Variants in C11orf97 observed in about 807,000 individuals in gnomAD.
C11orf97 encodes chromosome 11 open reading frame 97.
A neutral mutation model predicts 16.2 loss-of-function variants in C11orf97; 15 were observed. That is an observed-to-expected ratio of 0.93 (90% CI 0.62 to 1.43). The LOEUF is 1.43. Ranked by LOEUF, C11orf97 falls within the 40% of genes most tolerant of loss-of-function variation. The pLI, the probability that C11orf97 is intolerant of heterozygous loss-of-function variation, is 0.00. For synonymous variants in C11orf97, 61 were observed against 65.7 expected (o/e 0.93, Z 0.34); for missense variants, 171 against 161.2 (o/e 1.06, Z -0.33).
At chr11:94,527,792 A>G (rs1295883540) in intron 2 of C11orf97, among the ~76,000 whole-genome samples, 6 of 152,194 alleles carry the variant, frequency 3.9e-5, no homozygotes, top group Non-Finnish European at 8.8e-5. Flanking sequence ...ATTAACTGTT[A>G]TTTCTGATCC....
chr11:94,514,848 T>G (rs2135176805), intron 1 of C11orf97, among the ~76,000 whole-genome samples: 1 of 152,152 alleles, frequency 6.6e-6, no homozygotes, highest in Middle Eastern at 3.4e-3. Flanking sequence ...TTTCACCATG[T>G]TGGCCAGGCT....
chr11:94,526,780 C>T (rs961675821), intron 2 of C11orf97, among the ~76,000 whole-genome samples: 1 of 152,134 alleles, frequency 6.6e-6, no homozygotes, highest in Non-Finnish European at 1.5e-5. Context: ...TTTGTAAGGT[C>T]TTAAACAGAA....
chr11:94,520,804 G>T (rs1416897458), intron 2 of C11orf97, among the ~76,000 whole-genome samples: 2 of 152,180 alleles, frequency 1.3e-5, no homozygotes, highest in African/African-American at 4.8e-5. Context: ...AACAGCCTCT[G>T]CTACTGCCCC....
intron 1 of C11orf97, 24 bp from the exon 2 acceptor site, chr11:94,517,559 T>A (rs995496559): frequency 5.7e-6 from 8 of 1,393,234 alleles, no homozygotes; most frequent in Non-Finnish European, 6.8e-6. Flanking sequence ...TACTAAGTAA[T>A]TGATTTTGTT....
chr11:94,531,409 A>G (rs1947737384), intron 3 of C11orf97, among the ~76,000 whole-genome samples: 1 of 150,288 alleles, frequency 6.7e-6, no homozygotes, highest in Non-Finnish European at 1.5e-5. Context: ...ACTTCACTCC[A>G]GCCTGGGTGA....
intron 2 of C11orf97, among the ~76,000 whole-genome samples, chr11:94,518,222 A>G (rs1464813678): frequency 2.0e-5 from 3 of 150,838 alleles, no homozygotes; most frequent in African/African-American, 4.9e-5. Flanking sequence ...AGTTATTTCT[A>G]TTTAATGACA....
rs116251313 is a variant in C11orf97 at position 94,526,489 on chromosome 11, T to A, written c.251-1595T>A. 5.9e-3 allele frequency among the ~76,000 whole-genome samples: 898 copies of A among 152,292 alleles called. 13 individuals are homozygous for A. Among genetic ancestry groups the A allele is most frequent in the African/African-American group, 0.02 (851 of 41,550 alleles). Reference sequence around the variant, plus strand: ...TTTAGTACAATTCTTCCATCTAATTTGATGTGATTTGTCTGCACGGTTCTG... The same window carrying A: ...TTTAGTACAATTCTTCCATCTAATTAGATGTGATTTGTCTGCACGGTTCTG... On this transcript the variant is annotated intron_variant, in intron 2 of 3. Transcript: ENST00000542198.
intron 2 of C11orf97, among the ~76,000 whole-genome samples, chr11:94,520,347 C>A (rs1947648108): frequency 6.6e-6 from 1 of 152,154 alleles, no homozygotes; most frequent in Non-Finnish European, 1.5e-5. Context: ...TTTAGCTATT[C>A]TTTCTCCATC....
At chr11:94,522,327 A>G (rs539770831) in intron 2 of C11orf97, among the ~76,000 whole-genome samples, 1 of 152,284 alleles carries the variant, frequency 6.6e-6, no homozygotes, top group Admixed American at 6.5e-5. Context: ...CGAGGTCAGG[A>G]GATCGAGACC....
intron 2 of C11orf97, among the ~76,000 whole-genome samples, chr11:94,525,965 A>G (rs949910467): frequency 1.3e-5 from 2 of 152,234 alleles, no homozygotes; most frequent in African/African-American, 4.8e-5. Context: ...TGTTGGAGGC[A>G]TGAGAAGGGA....
chr11:94,514,504 A>C (rs1947594832), intron 1 of C11orf97, among the ~76,000 whole-genome samples: 1 of 152,176 alleles, frequency 6.6e-6, no homozygotes, highest in Non-Finnish European at 1.5e-5. Flanking sequence ...ATATTCCCTA[A>C]TCACAGTCCT....
At chr11:94,516,746 T>C (rs1947614003) in intron 1 of C11orf97, among the ~76,000 whole-genome samples, 2 of 152,212 alleles carry the variant, frequency 1.3e-5, no homozygotes, top group African/African-American at 4.8e-5. Context: ...AAAGAACTAA[T>C]GTTTAAGCCA....
chr11:94,524,942 C>T (rs1048673151), intron 2 of C11orf97, among the ~76,000 whole-genome samples: 5 of 151,646 alleles, frequency 3.3e-5, no homozygotes, highest in African/African-American at 1.2e-4. Flanking sequence ...ACCTATAGTC[C>T]CAGCTACTCT....
At chr11:94,514,510 G>A (rs1947594908) in intron 1 of C11orf97, among the ~76,000 whole-genome samples, 1 of 152,108 alleles carries the variant, frequency 6.6e-6, no homozygotes, top group African/African-American at 2.4e-5. Flanking sequence ...CCTAATCACA[G>A]TCCTGCTCTC....
Position 94,517,622 on chromosome 11 carries a change from A to G in C11orf97, c.185A>G (p.Lys62Arg), listed in dbSNP as rs528903532. 6.5e-7 allele frequency: 1 copy of G among 1,532,656 alleles called. No homozygotes were observed. Among genetic ancestry groups the G allele is most frequent in the South Asian group, 1.2e-5 (1 of 82,874 alleles). The allele number at this position is 1,532,656 out of a possible 1,614,324, so 94.9% of individuals were successfully genotyped here. The change falls in exon 2 of 4, where the codon AAG (lysine) becomes AGG (arginine). Residue 62 changes from lysine to arginine, a missense_variant. Physicochemically the swap from Lys to Arg is conservative, Grantham distance 26. Transcript: ENST00000542198. ...FLYCEPHKRI[K>R]EVLEEERHIK... ...TATTGTGAGCCACATAAGAGAATTA[A>G]GGAAGTACTGGAAGAAGAACGTCAT...
intron 2 of C11orf97, among the ~76,000 whole-genome samples, chr11:94,523,839 A>AT (rs143332455): frequency 0.029 from 4,432 of 152,296 alleles, 147 homozygotes; most frequent in African/African-American, 0.079. Flanking sequence ...TTGTGACTAT[A>AT]GTTAATAAGG....
chr11:94,520,102 T>A (rs1947646120), intron 2 of C11orf97, among the ~76,000 whole-genome samples: 1 of 152,234 alleles, frequency 6.6e-6, no homozygotes, highest in African/African-American at 2.4e-5. Flanking sequence ...CCTTTACTTC[T>A]CCTTTGCTAC....
At chr11:94,530,970 A>G (rs528569159) in intron 3 of C11orf97, among the ~76,000 whole-genome samples, 1 of 152,322 alleles carries the variant, frequency 6.6e-6, no homozygotes, top group South Asian at 2.1e-4. Context: ...CCCACTGTCA[A>G]TTTAAACAAT....
Position 94,512,551 on chromosome 11 carries a change from T to C in C11orf97, c.23T>C (p.Val8Ala), listed in dbSNP as rs1947577250. The C allele has an allele frequency of 2.3e-6, 3 of 1,310,516 alleles. No homozygotes were observed. Among genetic ancestry groups the C allele is most frequent in the Non-Finnish European group, 2.9e-6 (3 of 1,028,868 alleles). The allele number at this position is 1,310,516 out of a possible 1,614,324, so 81.2% of individuals were successfully genotyped here. MTGEEAVVVTAVVAPKAG... is the reference protein window; with the variant it reads MTGEEAVAVTAVVAPKAG... ...GGCATGACAGGCGAGGAGGCGGTGG[T>C]GGTGACCGCAGTGGTGGCGCCCAAG... The change falls in exon 1 of 4, where the codon GTG (valine) becomes GCG (alanine). Residue 8 changes from valine to alanine, a missense_variant. Val to Ala is a moderately conservative substitution (Grantham distance 64, BLOSUM62 0). Coordinates refer to ENST00000542198, the MANE Select transcript of C11orf97 (RefSeq NM_001190462.2).
Sources: allele counts gnomAD v4.1 joint callset (sites outside exome capture counted in the v4.1 genomes callset), GRCh38; gene constraint gnomAD v4.1.1; transcripts MANE v1.5; gene names NCBI Gene and HGNC (gene_info 2026-07-23, HGNC 2026-07-21).